The following UNC13B variants were observed in gnomAD, a reference collection of about 807,000 sequenced individuals.
The protein encoded by UNC13B is unc-13 homolog B.
A neutral mutation model predicts 211.0 loss-of-function variants in UNC13B; 144 were observed. The ratio of observed to expected loss-of-function variants is 0.68; its 90% CI spans 0.60 to 0.78. The LOEUF (loss-of-function observed/expected upper bound fraction) is 0.78. Ranked by LOEUF, UNC13B falls within the 30% of genes least tolerant of loss-of-function variation. UNC13B has a pLI of 0.00. For synonymous variants in UNC13B, 709 were observed against 725.8 expected (o/e 0.98, Z 0.37); for missense variants, 1,777 against 2,002.0 (o/e 0.89, Z 2.14).
intron 7 of UNC13B, among the ~76,000 whole-genome samples, chr9:35,270,909 G>A (rs1827841195): frequency 6.6e-6 from 1 of 152,138 alleles, no homozygotes; most frequent in African/African-American, 2.4e-5. Flanking sequence ...GGGAGGCCGA[G>A]GCAGGTGGAT....
chr9:35,277,742 T>A (rs1345614639), intron 7 of UNC13B, among the ~76,000 whole-genome samples: 1 of 151,848 alleles, frequency 6.6e-6, no homozygotes, highest in Non-Finnish European at 1.5e-5. Flanking sequence ...TAGACTCAAG[T>A]CCGAAGAGGT....
intron 1 of UNC13B, among the ~76,000 whole-genome samples, chr9:35,214,371 G>C (rs1824138158): frequency 6.6e-6 from 1 of 152,168 alleles, no homozygotes; most frequent in African/African-American, 2.4e-5. Flanking sequence ...AGGTTGCAGT[G>C]AGTGGAGATC....
chr9:35,384,725 G>C, intron 22 of UNC13B: 2 of 985,450 alleles, frequency 2.0e-6, no homozygotes, highest in Non-Finnish European at 2.4e-6. Context: ...CTAGGGGACA[G>C]AGAGTAGCTT....
chr9:35,236,501 T>G lies in UNC13B; in HGVS notation c.185T>G (p.Val62Gly). 1 of 1,614,074 alleles carries G rather than the reference T, an allele frequency of 6.2e-7. No homozygotes were observed. The highest frequency in any genetic ancestry group is 1.1e-5 in the South Asian group (1 of 91,070). ...AGTCGCCTGGACCTGGGTCTAAGTG[T>G]GGAGGTATGGAACAAAGGACTGATC... ...EISRLDLGLS[V>G]EVWNKGLIWD... The change falls in exon 4 of 40, where the codon GTG becomes GGG. Residue 62 changes from valine (V) to glycine (G), a missense_variant. Transcript: ENST00000635942.
rs115932081 is a variant in UNC13B at position 35,350,566 on chromosome 9, C to A, written c.9415-16381C>A. On this transcript the variant is annotated intron_variant, in intron 11 of 39. Coordinates refer to ENST00000635942, the MANE Select transcript of UNC13B (RefSeq NM_001371189.2). ...GGAGCACCAAGCTAAGCCTAAACCT[C>A]CTTCATCCCCAGTTGTGAGTTCATG... 4.9e-3 allele frequency among the ~76,000 whole-genome samples: 746 copies of A among 152,296 alleles called. 8 individuals carry two copies. The highest frequency in any genetic ancestry group is 0.017 in the African/African-American group (717 of 41,566).
At chr9:35,296,551 T>C (rs961756105) in intron 8 of UNC13B, among the ~76,000 whole-genome samples, 2 of 152,198 alleles carry the variant, frequency 1.3e-5, no homozygotes, top group East Asian at 1.9e-4. Context: ...TGTTGTCATA[T>C]ATTTATGAGT....
At chr9:35,218,337 A>G (rs551207481) in intron 1 of UNC13B, among the ~76,000 whole-genome samples, 15 of 152,210 alleles carry the variant, frequency 9.9e-5, no homozygotes, top group Middle Eastern at 3.4e-3. Context: ...TTACTCTTCA[A>G]GACTCTTATT....
At chr9:35,216,186 A>G (rs1587392135) in intron 1 of UNC13B, among the ~76,000 whole-genome samples, 1 of 152,230 alleles carries the variant, frequency 6.6e-6, no homozygotes, top group East Asian at 1.9e-4. Flanking sequence ...ATGCAGAAAA[A>G]GCATTTGATA....
At chr9:35,195,497 C>T (rs1459713213) in intron 1 of UNC13B, among the ~76,000 whole-genome samples, 1 of 151,766 alleles carries the variant, frequency 6.6e-6, no homozygotes, top group Admixed American at 6.6e-5. Context: ...AGCCATGGGT[C>T]CTTAACCTTG....
chr9:35,394,429 C>G (rs560050481), intron 26 of UNC13B, among the ~76,000 whole-genome samples: 1 of 152,278 alleles, frequency 6.6e-6, no homozygotes, highest in Admixed American at 6.5e-5. Flanking sequence ...AACCCCAACT[C>G]TACTAAAAAT....
At chr9:35,268,755 A>T (rs1827714678) in intron 7 of UNC13B, among the ~76,000 whole-genome samples, 1 of 152,136 alleles carries the variant, frequency 6.6e-6, no homozygotes, top group Admixed American at 6.5e-5. Context: ...TGTTTTCCAG[A>T]TCTCTTTGTT....
In UNC13B at chr9:35,302,603, G is replaced by T; in HGVS notation, c.3199G>T (p.Asp1067Tyr). Reference sequence around the variant, plus strand: ...GAATATAGAGGAATTAAATCCAAGTGACCACACAGCAGGACAGAATTTTGA... The same window carrying T: ...GAATATAGAGGAATTAAATCCAAGTTACCACACAGCAGGACAGAATTTTGA... ...FGNIEELNPS[D>Y]HTAGQNFERD... The change falls in exon 9 of 40, where the codon GAC becomes TAC. Residue 1067 changes from aspartate (D) to tyrosine (Y), a missense_variant. Asp to Tyr is a radical substitution (Grantham distance 160). Transcript: ENST00000635942. The T allele has an allele frequency of 5.0e-6, 2 of 398,606 alleles. No individual in the cohort carries two copies. Among genetic ancestry groups the T allele is most frequent in the South Asian group, 2.6e-4 (2 of 7,830 alleles). 24.7% of individuals were successfully genotyped at this position (398,606 alleles called of 1,614,324 possible).
intron 7 of UNC13B, among the ~76,000 whole-genome samples, chr9:35,277,658 G>A (rs1564109024): frequency 6.6e-6 from 1 of 151,588 alleles, no homozygotes; most frequent in Non-Finnish European, 1.5e-5. Context: ...TGTAAACCAG[G>A]GAGTATATTT....
intron 8 of UNC13B, among the ~76,000 whole-genome samples, chr9:35,297,079 CT>C (rs1248374919): frequency 7.0e-6 from 1 of 143,644 alleles, no homozygotes; most frequent in Admixed American, 7.0e-5. Flanking sequence ...GTTTTTTGGT[CT>C]TTTAAGAAGC....
chr9:35,178,361 G>A (rs1472062881), intron 1 of UNC13B, among the ~76,000 whole-genome samples: 2 of 152,042 alleles, frequency 1.3e-5, no homozygotes, highest in Non-Finnish European at 2.9e-5. Flanking sequence ...ATTAGGCATG[G>A]TGGCACATGC....
chr9:35,313,228 G>A (rs1830269762), intron 10 of UNC13B, among the ~76,000 whole-genome samples: 1 of 152,212 alleles, frequency 6.6e-6, no homozygotes, highest in South Asian at 2.1e-4. Flanking sequence ...AGGAAAAGAG[G>A]GAACAGATGA....
intron 1 of UNC13B, among the ~76,000 whole-genome samples, chr9:35,206,266 G>T (rs1350726756): frequency 6.6e-6 from 1 of 152,144 alleles, no homozygotes; most frequent in African/African-American, 2.4e-5. Context: ...ATTTGAAAGT[G>T]TGCAATTCAG....
intron 11 of UNC13B, among the ~76,000 whole-genome samples, chr9:35,324,277 A>G (rs951863506): frequency 2.6e-5 from 4 of 152,232 alleles, no homozygotes; most frequent in African/African-American, 9.6e-5. Flanking sequence ...ATCATATTAT[A>G]CACGGTTCTA....
In UNC13B at chr9:35,295,881, G is replaced by T; in HGVS notation, c.712G>T (p.Asp238Tyr). The T allele has an allele frequency of 6.2e-7, 1 of 1,613,966 alleles. No homozygotes were observed. Among genetic ancestry groups the T allele is most frequent in the Admixed American group, 1.7e-5 (1 of 59,986 alleles). The change falls in exon 8 of 40, where the codon GAC (aspartate) becomes TAC (tyrosine). Residue 238 changes from aspartate to tyrosine, a missense_variant. By Grantham distance (160) the Asp-to-Tyr change is radical. Transcript: ENST00000635942. ...AGGCAGTTCCCGGGACTCTTGTAAT[G>T]ACTCTATGCAAAGTTATGACCTTGA... is the stretch of plus-strand genomic sequence containing the variant. ...LQGSSRDSCN[D>Y]SMQSYDLDYP...
Sources: allele counts gnomAD v4.1 joint callset (sites outside exome capture counted in the v4.1 genomes callset), GRCh38; gene constraint gnomAD v4.1.1; transcripts MANE v1.5; gene names NCBI Gene and HGNC (gene_info 2026-07-23, HGNC 2026-07-21).